SCUBE1: variants seen among roughly 807,000 people sequenced by gnomAD.
SCUBE1 encodes the protein signal peptide, CUB and EGF-like domain-containing protein 1.
A neutral mutation model predicts 124.4 loss-of-function variants in SCUBE1; 59 were observed. The observed-to-expected ratio is 0.47, with a 90% confidence interval of 0.38 to 0.59. The LOEUF (loss-of-function observed/expected upper bound fraction) is 0.59. Among genes scored for constraint, SCUBE1 ranks in the 20% least tolerant of loss-of-function variants. The pLI is 0.00. For missense variants in SCUBE1, 1,150 were observed against 1,371.2 expected (o/e 0.84, Z 2.55); for synonymous variants, 545 against 550.9 (o/e 0.99, Z 0.15).
intron 3 of SCUBE1, among the ~76,000 whole-genome samples, chr22:43,291,947 G>C (rs182711694): frequency 6.6e-6 from 1 of 152,070 alleles, no homozygotes; most frequent in African/African-American, 2.4e-5. Context: ...ATTCAAACCC[G>C]GTGGTCTGAC....
At chr22:43,285,261 C>T (rs947100614) in intron 4 of SCUBE1, among the ~76,000 whole-genome samples, 13 of 152,146 alleles carry the variant, frequency 8.5e-5, no homozygotes, top group East Asian at 1.9e-4. Context: ...GACCTGAGGG[C>T]GCTGTGAACT....
intron 6 of SCUBE1, among the ~76,000 whole-genome samples, chr22:43,251,963 C>T (rs1057048831): frequency 2.6e-5 from 4 of 152,202 alleles, no homozygotes; most frequent in Non-Finnish European, 5.9e-5. Context: ...AGCTCCCATG[C>T]AGCACCCCAC....
intron 2 of SCUBE1, among the ~76,000 whole-genome samples, chr22:43,328,492 A>G (rs901854890): frequency 1.3e-5 from 2 of 152,204 alleles, no homozygotes; most frequent in Non-Finnish European, 2.9e-5. Flanking sequence ...CAGGAGGACA[A>G]TCACAAACAA....
chr22:43,276,196 C>T (rs1046004053), intron 4 of SCUBE1, among the ~76,000 whole-genome samples: 2 of 152,172 alleles, frequency 1.3e-5, no homozygotes, highest in Non-Finnish European at 2.9e-5. Context: ...TAGCTGGGGT[C>T]CCCGTCTAGG....
chr22:43,269,430 G>A (rs1041000264), intron 4 of SCUBE1, among the ~76,000 whole-genome samples: 3 of 152,206 alleles, frequency 2.0e-5, no homozygotes, highest in African/African-American at 4.8e-5. Flanking sequence ...GCGGCCCAGC[G>A]TGTTTGTACT....
At chr22:43,283,601 C>A (rs962065053) in intron 4 of SCUBE1, 3 of 152,128 alleles carry the variant, frequency 2.0e-5, no homozygotes, top group Non-Finnish European at 4.4e-5. Context: ...TAACTAAATG[C>A]GAACTATTGA....
chr22:43,302,428 C>A (rs1003755724), intron 3 of SCUBE1, among the ~76,000 whole-genome samples: 3 of 152,204 alleles, frequency 2.0e-5, no homozygotes, highest in African/African-American at 7.2e-5. Context: ...ACATTTCACT[C>A]ACTTTGCTAG....
intron 2 of SCUBE1, among the ~76,000 whole-genome samples, chr22:43,337,937 C>A (rs1472713533): frequency 7.6e-6 from 1 of 131,562 alleles, no homozygotes; most frequent in Non-Finnish European, 1.8e-5. Flanking sequence ...AGTTACAAGA[C>A]CTGGATTTCA....
intron 3 of SCUBE1, among the ~76,000 whole-genome samples, chr22:43,292,875 G>C (rs1925418632): frequency 6.6e-6 from 1 of 152,226 alleles, no homozygotes; most frequent in South Asian, 2.1e-4. Context: ...GAGGCAGGCA[G>C]AGCTCTGAAC....
intron 6 of SCUBE1, among the ~76,000 whole-genome samples, chr22:43,251,905 TAGCACCCCATC>T (rs1923465272): frequency 1.3e-5 from 2 of 152,190 alleles, no homozygotes. Context: ...GCGTGGCGCG[TAGCACCCCATC>T]AGCCTTGCCA....
intron 4 of SCUBE1, chr22:43,283,602 G>T (rs749111338): frequency 6.6e-5 from 10 of 152,084 alleles, no homozygotes; most frequent in South Asian, 4.1e-4. Context: ...AACTAAATGC[G>T]AACTATTGAC....
chr22:43,307,877 G>A (rs1356427184), intron 3 of SCUBE1, among the ~76,000 whole-genome samples: 1 of 152,232 alleles, frequency 6.6e-6, no homozygotes, highest in Non-Finnish European at 1.5e-5. Flanking sequence ...CTCCCAGCAA[G>A]TCAGTGGCCT....
chr22:43,295,789 C>T (rs1197401504), intron 3 of SCUBE1, among the ~76,000 whole-genome samples: 1 of 152,246 alleles, frequency 6.6e-6, no homozygotes, highest in Non-Finnish European at 1.5e-5. Flanking sequence ...GAACACCAAG[C>T]ACCTACTCTG....
Position 43,238,989 on chromosome 22 carries a change from T to C in SCUBE1, c.728-35A>G, listed in dbSNP as rs377184140. 1.2e-5 allele frequency: 19 copies of C among 1,549,154 alleles called. No homozygotes were observed. The South Asian group carries it at 1.8e-4, about 15-fold the overall frequency. On this transcript the variant is annotated intron_variant, in intron 6 of 21. Transcript: ENST00000360835. ...GAAAGAGACAGAGACCTCAGTTTCC[T>C]TGGACAGAAGCCACTGGCTTTCCCC... is the stretch of plus-strand genomic sequence containing the variant.
At chr22:43,308,051 A>C in intron 3 of SCUBE1, among the ~76,000 whole-genome samples, 1 of 139,202 alleles carries the variant, frequency 7.2e-6, no homozygotes, top group African/African-American at 2.6e-5. Context: ...AGGCCACTCC[A>C]CCCCGAAACA....
chr22:43,279,488 G>A (rs1354995260), intron 4 of SCUBE1, among the ~76,000 whole-genome samples: 1 of 152,222 alleles, frequency 6.6e-6, no homozygotes, highest in African/African-American at 2.4e-5. Context: ...TGTTGAAACT[G>A]AACCCCTATT....
rs551542168 is a variant in SCUBE1 at position 43,255,954 on chromosome 22, A to G, written c.727+2265T>C. 6.6e-6 allele frequency among the ~76,000 whole-genome samples: 1 copy of G among 152,280 alleles called. No individual in the cohort carries two copies. The highest frequency in any genetic ancestry group is 6.5e-5 in the Admixed American group (1 of 15,306). ...CACCACCATGGTGCTTTACGGAGAC[A>G]CAAGTGATTACAGACCCCCGTGGCT... On this transcript the variant is annotated intron_variant, in intron 6 of 21. Transcript: ENST00000360835. The surrounding 1 kb of genome is among the most constrained non-coding windows in gnomAD (Gnocchi z 4.7).
chr22:43,228,511 C>T (rs1922416892), intron 9 of SCUBE1, among the ~76,000 whole-genome samples: 1 of 152,230 alleles, frequency 6.6e-6, no homozygotes, highest in South Asian at 2.1e-4. Context: ...CTCAACTCCC[C>T]TGCGGGCTCA....
intron 6 of SCUBE1, among the ~76,000 whole-genome samples, chr22:43,246,834 C>A (rs752893236): frequency 6.6e-6 from 1 of 152,204 alleles, no homozygotes; most frequent in Non-Finnish European, 1.5e-5. Context: ...CAGTGATGTG[C>A]TCCCCACTCC....
Sources: gnomAD v4.1 joint callset for allele counts (sites outside exome capture counted in the v4.1 genomes callset) on GRCh38, gnomAD v4.1.1 for gene constraint, Gnocchi (gnomAD v3.1) non-coding constraint, MANE v1.5 for transcripts, NCBI Gene and HGNC (gene_info 2026-07-23, HGNC 2026-07-21) for gene names.